KIF27: variants seen among roughly 807,000 people sequenced by gnomAD.
KIF27 encodes the protein kinesin-like protein KIF27.
Under a neutral mutation model 141.8 loss-of-function variants are expected in KIF27, and 84 were observed. That is an observed-to-expected ratio of 0.59 (90% CI 0.50 to 0.71). KIF27 has a LOEUF of 0.71. Among genes scored for constraint, KIF27 ranks in the 30% least tolerant of loss-of-function variants. The pLI is 0.00. For synonymous variants in KIF27, 471 were observed against 569.5 expected (o/e 0.83, Z 2.46); for missense variants, 1,306 against 1,628.4 (o/e 0.80, Z 3.41).
chr9:83,852,131 AT>A (rs1948666798), intron 15 of KIF27, among the ~76,000 whole-genome samples: 4 of 151,124 alleles, frequency 2.6e-5, no homozygotes, highest in Admixed American at 2.0e-4. Context: ...GAAAAAAAAA[AT>A]AAAAGAACAG....
intron 11 of KIF27, among the ~76,000 whole-genome samples, chr9:83,878,044 GT>G (rs1951344645): frequency 6.6e-6 from 1 of 151,142 alleles, no homozygotes; most frequent in Non-Finnish European, 1.5e-5. Flanking sequence ...GGTGCCTGTA[GT>G]CCCAGCTACT....
intron 16 of KIF27, among the ~76,000 whole-genome samples, chr9:83,848,397 A>G (rs1225062168): frequency 7.3e-6 from 1 of 136,242 alleles, no homozygotes; most frequent in African/African-American, 2.7e-5. Context: ...CATATATGCT[A>G]TATATGCATA....
chr9:83,836,392 G>A lies in KIF27; in HGVS notation c.*609C>T, dbSNP rs1445743517. Among the ~76,000 whole-genome samples the A allele has an allele frequency of 6.6e-6, 1 of 152,066 alleles. No homozygotes were observed. The highest frequency in any genetic ancestry group is 1.5e-5 in the Non-Finnish European group (1 of 68,028). On this transcript the variant is annotated 3_prime_UTR_variant, in exon 18 of 18. Coordinates refer to ENST00000297814, the MANE Select transcript of KIF27 (RefSeq NM_017576.4). ...TTGCATAATATTAGCAAACATAAAA[G>A]ATAGCATTATAAATTTTTAAAAATC...
At chr9:83,908,760 T>TC (rs1954839512) in intron 2 of KIF27, 108 bp from the exon 3 acceptor site, 2 of 365,522 alleles carry the variant, frequency 5.5e-6, no homozygotes, top group African/African-American at 6.7e-5. Context: ...TATTATAACT[T>TC]TTTTTTTTTT....
At chr9:83,855,614 T>A (rs1279217199) in intron 14 of KIF27, among the ~76,000 whole-genome samples, 1 of 152,116 alleles carries the variant, frequency 6.6e-6, no homozygotes, top group Non-Finnish European at 1.5e-5. Flanking sequence ...AAACAATACA[T>A]AACGAAACAA....
Position 83,890,509 on chromosome 9 carries a change from T to G in KIF27, c.1809+786A>C, listed in dbSNP as rs114420775. ...CTTTGTTCAGAGTCCAACTTCATTC[T>G]CTGGGATTGTAATTTCCTTTTAAAA... is the stretch of plus-strand genomic sequence containing the variant. On this transcript the variant is annotated intron_variant, in intron 6 of 17. Coordinates refer to ENST00000297814, the MANE Select transcript of KIF27 (RefSeq NM_017576.4). Among the ~76,000 whole-genome samples the G allele has an allele frequency of 6.0e-3, 919 of 152,352 alleles. 10 individuals are homozygous for G. Among genetic ancestry groups the G allele is most frequent in the African/African-American group, 0.021 (872 of 41,578 alleles).
In KIF27 at chr9:83,839,990, G is replaced by A. The variant is rs551351110; in HGVS notation, c.3721+2247C>T. Among the ~76,000 whole-genome samples, 14 of 152,016 alleles carry A rather than the reference G, an allele frequency of 9.2e-5. No individual in the cohort carries two copies. The East Asian group carries it at 2.5e-3, about 27-fold the overall frequency. On this transcript the variant is annotated intron_variant, in intron 17 of 17. Transcript: ENST00000297814. ...GAAAAAACACTGCAGCAAATACCAAGATAGTTATTAACTAGGATACTGATT... is the reference window on the plus strand; with the variant it reads ...GAAAAAACACTGCAGCAAATACCAAAATAGTTATTAACTAGGATACTGATT...
intron 5 of KIF27, 108 bp from the exon 6 acceptor site, chr9:83,891,609 A>G: frequency 9.9e-7 from 1 of 1,013,112 alleles, no homozygotes; most frequent in South Asian, 1.7e-5. Context: ...CTTTAATAAT[A>G]CAGTCAATTC....
At chr9:83,891,258 T>A (rs1302767768) in intron 6 of KIF27, 37 bp downstream of exon 6, 2 of 1,578,706 alleles carry the variant, frequency 1.3e-6, no homozygotes, top group Non-Finnish European at 1.7e-6. Flanking sequence ...AAAATTTTTT[T>A]AATCTCCAAA....
intron 14 of KIF27, among the ~76,000 whole-genome samples, chr9:83,854,656 G>C (rs1213214489): frequency 1.3e-5 from 2 of 152,084 alleles, no homozygotes; most frequent in Non-Finnish European, 2.9e-5. Flanking sequence ...CTACCTTGCC[G>C]TCCTGAGTAG....
chr9:83,881,502 G>A (rs1031484455), intron 10 of KIF27, among the ~76,000 whole-genome samples: 3 of 152,186 alleles, frequency 2.0e-5, no homozygotes, highest in Non-Finnish European at 2.9e-5. Context: ...TGTGATCTGT[G>A]GACCAGTGCT....
chr9:83,865,802 T>C (rs2131975449), intron 13 of KIF27, among the ~76,000 whole-genome samples: 1 of 152,308 alleles, frequency 6.6e-6, no homozygotes, highest in African/African-American at 2.4e-5. Context: ...TCCTGAAATG[T>C]CCATCATATT....
intron 13 of KIF27, among the ~76,000 whole-genome samples, chr9:83,866,872 G>A (rs1055551059): frequency 8.6e-5 from 13 of 151,050 alleles, no homozygotes; most frequent in Admixed American, 6.6e-5. Flanking sequence ...AAAAAAAAAT[G>A]AAGTATATAA....
At chr9:83,915,240 T>C (rs1441043129) in intron 2 of KIF27, 54 bp downstream of exon 2, 29 of 1,471,174 alleles carry the variant, frequency 2.0e-5, no homozygotes, top group Non-Finnish European at 2.6e-5. Context: ...ATTGGTCATA[T>C]TTTTGCTTCT....
Position 83,857,971 on chromosome 9 carries a change from T to TG in KIF27, c.3150+1184_3150+1185insC, listed in dbSNP as rs1428624319. On this transcript the variant is annotated intron_variant, in intron 14 of 17. Transcript: ENST00000297814. ...AGGGAAACATAATACTTTGGGTTTT[T>TG]TTTTTTTTTTTTTGCTTCTTCTATC... 2.0e-5 allele frequency among the ~76,000 whole-genome samples: 3 copies of TG among 151,416 alleles called. No homozygotes were observed. The East Asian group carries it at 5.8e-4, about 29-fold the overall frequency.
intron 7 of KIF27, 117 bp from the exon 8 acceptor site, chr9:83,888,709 A>C: frequency 1.7e-6 from 1 of 585,078 alleles, no homozygotes; most frequent in Non-Finnish European, 2.9e-6. Flanking sequence ...ATATAAAAAC[A>C]GAATGTTACT....
chr9:83,844,347 G>GATAGCTATATATATTGATATAGATATCT (rs1564273701), intron 16 of KIF27, among the ~76,000 whole-genome samples: 2 of 149,814 alleles, frequency 1.3e-5, no homozygotes, highest in African/African-American at 5.0e-5. Context: ...TATTTATATA[G>GATAGCTATATATATTGATATAGATATCT]ATATCTATAT....
intron 2 of KIF27, among the ~76,000 whole-genome samples, chr9:83,912,885 G>A (rs1955310922): frequency 6.6e-6 from 1 of 152,054 alleles, no homozygotes; most frequent in South Asian, 2.1e-4. Context: ...GCCAGGCGTG[G>A]TGGTTCACAC....
rs761837769 is a variant in KIF27 at position 83,889,164 on chromosome 9, T to C, written c.1899A>G (p.Glu633=). The change falls in exon 7 of 18, where the codon GAA becomes GAG. Residue 633 remains glutamate, a synonymous_variant. Coordinates refer to ENST00000297814, the MANE Select transcript of KIF27 (RefSeq NM_017576.4). ...RSQMLLGHIE[E]QDKVLHCQFS... The stretch of plus-strand genomic sequence containing the variant: ...ATTGGCAGTGGAGGACCTTATCTTG[T>C]TCTTCTATGTGACCCAACAGCATCT... The C allele has an allele frequency of 6.2e-7, 1 of 1,614,036 alleles. No individual in the cohort carries two copies. The highest frequency in any genetic ancestry group is 2.2e-5 in the East Asian group (1 of 44,884).
Sources: allele counts gnomAD v4.1 joint callset (sites outside exome capture counted in the v4.1 genomes callset), GRCh38; gene constraint gnomAD v4.1.1; transcripts MANE v1.5; gene names NCBI Gene and HGNC (gene_info 2026-07-23, HGNC 2026-07-21).